ENTHD1: variants seen among roughly 807,000 people sequenced by gnomAD.
ENTHD1 encodes the protein ENTH domain containing 1.
ENTHD1 carries 23 observed loss-of-function variants against 39.1 expected under a neutral mutation model. The observed-to-expected ratio is 0.59, with a 90% CI of 0.42 to 0.83. The LOEUF is 0.83. Ranked by LOEUF, ENTHD1 falls within the 40% of genes least tolerant of loss-of-function variation. The probability of loss-of-function intolerance (pLI) is 0.00; values close to 1 mark genes in which losing one functional copy is unlikely to be tolerated. For missense variants in ENTHD1, 624 were observed against 705.4 expected (o/e 0.88, Z 1.31); for synonymous variants, 230 against 258.2 (o/e 0.89, Z 1.05).
intron 5 of ENTHD1, among the ~76,000 whole-genome samples, chr22:39,789,643 C>T (rs2065488383): frequency 6.6e-6 from 1 of 152,174 alleles, no homozygotes; most frequent in Non-Finnish European, 1.5e-5. Context: ...GGTACTATTA[C>T]TCTAGGTACT....
chr22:39,807,983 C>T (rs1045516493), intron 5 of ENTHD1, among the ~76,000 whole-genome samples: 6 of 151,940 alleles, frequency 3.9e-5, no homozygotes, highest in African/African-American at 1.2e-4. Flanking sequence ...GTTTGAAACA[C>T]ATCAGCGTAG....
At chr22:39,802,057 C>T (rs2065603004) in intron 5 of ENTHD1, among the ~76,000 whole-genome samples, 2 of 152,184 alleles carry the variant, frequency 1.3e-5, no homozygotes, top group South Asian at 4.2e-4. Flanking sequence ...TCAAATGTAA[C>T]AAGACATCTA....
intron 5 of ENTHD1, among the ~76,000 whole-genome samples, chr22:39,808,710 A>T (rs1192947592): frequency 1.3e-5 from 2 of 152,196 alleles, no homozygotes; most frequent in African/African-American, 4.8e-5. Flanking sequence ...GTGTCTCTTA[A>T]TATTCTTTTA....
At chr22:39,753,502 A>G (rs2065162391) in intron 6 of ENTHD1, among the ~76,000 whole-genome samples, 1 of 152,208 alleles carries the variant, frequency 6.6e-6, no homozygotes, top group Non-Finnish European at 1.5e-5. Flanking sequence ...GGCTGCCTTC[A>G]CTTTCCTGAT....
At chr22:39,776,312 T>C (rs975832139) in intron 5 of ENTHD1, among the ~76,000 whole-genome samples, 1 of 152,244 alleles carries the variant, frequency 6.6e-6, no homozygotes, top group Non-Finnish European at 1.5e-5. Context: ...TGAATTCCAC[T>C]GAAAAGGCAG....
At chr22:39,807,913 G>GTATA (rs1555929241) in intron 5 of ENTHD1, among the ~76,000 whole-genome samples, 1 of 150,438 alleles carries the variant, frequency 6.6e-6, no homozygotes, top group African/African-American at 2.5e-5. Context: ...GTGTGTGTGT[G>GTATA]TATATATATA....
intron 6 of ENTHD1, among the ~76,000 whole-genome samples, chr22:39,749,834 G>A (rs1276119863): frequency 6.6e-6 from 1 of 152,198 alleles, no homozygotes; most frequent in African/African-American, 2.4e-5. Context: ...CTGGCTGAGC[G>A]AAGGGTTCCA....
At chr22:39,863,632 A>G (rs1407718675) in intron 2 of ENTHD1, among the ~76,000 whole-genome samples, 4 of 152,244 alleles carry the variant, frequency 2.6e-5, no homozygotes, top group Admixed American at 2.6e-4. Context: ...ACCTTTCTCC[A>G]TCTTGGGATG....
chr22:39,851,298 T>G (rs2066036742), intron 3 of ENTHD1, among the ~76,000 whole-genome samples: 1 of 152,250 alleles, frequency 6.6e-6, no homozygotes, highest in Non-Finnish European at 1.5e-5. Context: ...TCTAGCTCAC[T>G]AAATACATTT....
At chr22:39,788,130 A>G (rs2065474480) in intron 5 of ENTHD1, among the ~76,000 whole-genome samples, 1 of 152,190 alleles carries the variant, frequency 6.6e-6, no homozygotes, top group African/African-American at 2.4e-5. Context: ...TTGACTTTCA[A>G]GTCTTATTAT....
At chr22:39,842,783 T>A (rs991495033) in intron 3 of ENTHD1, among the ~76,000 whole-genome samples, 1 of 147,228 alleles carries the variant, frequency 6.8e-6, no homozygotes, top group African/African-American at 2.5e-5. Flanking sequence ...AACAACCCCA[T>A]CAAAAAGTGG....
intron 5 of ENTHD1, among the ~76,000 whole-genome samples, chr22:39,774,524 T>C (rs1040334003): frequency 1.3e-5 from 2 of 152,180 alleles, no homozygotes; most frequent in African/African-American, 4.8e-5. Context: ...ACTCAGGTTA[T>C]TTTGGAACTA....
rs77915572 is a variant in ENTHD1, at chr22:39,814,295, C to CAAAAAAAAAAAAA, written c.832+6685_832+6697dup. ...GCAACATGGCAAAACCCCATCTCTA[C>CAAAAAAAAAAAAA]AAAAAAAAAAAAAAAATAACCAGGT... On this transcript the variant is annotated intron_variant, in intron 5 of 6. Transcript: ENST00000325157. Among the ~76,000 whole-genome samples, 146 of 97,614 alleles carry CAAAAAAAAAAAAA rather than the reference C, an allele frequency of 1.5e-3. 1 individual carries two copies. The highest frequency in any genetic ancestry group is 2.4e-3 in the South Asian group (7 of 2,898). The allele number at this position is 97,614 out of a possible 152,430, so 64.0% of individuals were successfully genotyped here. A position where few individuals can be genotyped will look rare whatever the true frequency, so the allele number is the denominator to read the frequency against.
At chr22:39,809,927 A>C (rs542165396) in intron 5 of ENTHD1, among the ~76,000 whole-genome samples, 1 of 152,256 alleles carries the variant, frequency 6.6e-6, no homozygotes, top group African/African-American at 2.4e-5. Context: ...TCTTACTTTC[A>C]GGATGTGTGG....
chr22:39,887,409 T>C lies in ENTHD1; in HGVS notation c.340A>G (p.Lys114Glu), dbSNP rs763540095. Reference sequence around the variant, plus strand: ...CTTCTTTAACCATTACCTTGGTCTTTTCCAGCTTCATCTATGTGCTGAAAA... The same window carrying C: ...CTTCTTTAACCATTACCTTGGTCTTCTCCAGCTTCATCTATGTGCTGAAAA... ...KDFQHIDEAGKDQGYYIREKS... is the reference protein window; with the variant it reads ...KDFQHIDEAGEDQGYYIREKS... Residue 114 changes from lysine (K) to glutamate (E), a missense_variant, in exon 2 of 7, where the codon AAA (lysine) becomes GAA (glutamate). Transcript: ENST00000325157. 5.6e-6 allele frequency: 9 copies of C among 1,606,658 alleles called. No homozygotes were observed. The Admixed American group carries it at 1.2e-4, about 21-fold the overall frequency.
intron 2 of ENTHD1, among the ~76,000 whole-genome samples, chr22:39,884,428 C>T (rs1368583471): frequency 6.6e-6 from 1 of 152,140 alleles, no homozygotes; most frequent in African/African-American, 2.4e-5. Context: ...GATCTGCCTG[C>T]CTCCACCTCC....
chr22:39,833,448 C>A (rs1159412070), intron 4 of ENTHD1, among the ~76,000 whole-genome samples: 2 of 151,752 alleles, frequency 1.3e-5, no homozygotes, highest in Non-Finnish European at 2.9e-5. Context: ...AATAAATTTA[C>A]TAAACATACC....
chr22:39,762,056 A>G (rs1405473279), intron 6 of ENTHD1, among the ~76,000 whole-genome samples: 2 of 152,152 alleles, frequency 1.3e-5, no homozygotes, highest in East Asian at 1.9e-4. Flanking sequence ...TCCTCTAAAG[A>G]GCACTGATTT....
At chr22:39,813,159 C>A (rs2065707053) in intron 5 of ENTHD1, among the ~76,000 whole-genome samples, 2 of 152,166 alleles carry the variant, frequency 1.3e-5, no homozygotes, top group African/African-American at 2.4e-5. Flanking sequence ...TCTGCCAGCA[C>A]CACCGTTTGT....
Sources: gnomAD v4.1 joint callset for allele counts (sites outside exome capture counted in the v4.1 genomes callset) on GRCh38, gnomAD v4.1.1 for gene constraint, MANE v1.5 for transcripts, NCBI Gene and HGNC (gene_info 2026-07-23, HGNC 2026-07-21) for gene names.